The following FSTL1 variants were observed in gnomAD, a reference collection of about 807,000 sequenced individuals.
FSTL1 encodes follistatin like 1, also known as follistatin-related protein 1.
In FSTL1, 24 loss-of-function variants were observed where a neutral mutation model predicts 45.9. The ratio of observed to expected loss-of-function variants is 0.52; its 90% confidence interval spans 0.38 to 0.74. The LOEUF (loss-of-function observed/expected upper bound fraction) is 0.74. Ranked by LOEUF, FSTL1 falls within the 30% of genes least tolerant of loss-of-function variation. The pLI is 0.00. For synonymous variants in FSTL1, 120 were observed against 137.6 expected (o/e 0.87, Z 0.89); for missense variants, 340 against 381.8 (o/e 0.89, Z 0.91).
At chr3:120,450,295 A>T (rs1937855993) in intron 2 of FSTL1, among the ~76,000 whole-genome samples, 1 of 152,120 alleles carries the variant, frequency 6.6e-6, no homozygotes, top group Non-Finnish European at 1.5e-5. Context: ...CCCCGCCCCC[A>T]GGAGACAGAC....
At chr3:120,415,140 A>T (rs910799177) in intron 3 of FSTL1, among the ~76,000 whole-genome samples, 6 of 142,866 alleles carry the variant, frequency 4.2e-5, no homozygotes, top group African/African-American at 7.8e-5. Context: ...AAAAAACATT[A>T]AAAAAAAAAA....
chr3:120,440,715 T>C (rs1230350265), intron 2 of FSTL1, among the ~76,000 whole-genome samples: 1 of 152,250 alleles, frequency 6.6e-6, no homozygotes, highest in African/African-American at 2.4e-5. Context: ...CCCAGATGAG[T>C]GATGCAAAAT....
In FSTL1 at chr3:120,399,930, T is replaced by C. The variant is rs1157497099; in HGVS notation, c.835A>G (p.Thr279Ala). The change falls in exon 10 of 11, where the codon ACA (threonine) becomes GCA (alanine). Residue 279 changes from threonine (T) to alanine (A), a missense_variant. Coordinates refer to ENST00000295633, the MANE Select transcript of FSTL1 (RefSeq NM_007085.5). ...ACATATCTGGTCATCTCCTCCTCTG[T>C]CTGGGTCTGGGCCCCCTTCTGATTC... ...GKNQKGAQTQ[T>A]EEEMTRYVQE... 6.2e-7 allele frequency: 1 copy of C among 1,609,446 alleles called. No homozygotes were observed. The highest frequency in any genetic ancestry group is 1.3e-5 in the African/African-American group (1 of 74,990).
rs1318955944 is a variant in FSTL1, at chr3:120,403,870, G to A, written c.582-516C>T. 8.6e-5 allele frequency among the ~76,000 whole-genome samples: 11 copies of A among 127,708 alleles called. 1 individual carries two copies. The highest frequency in any genetic ancestry group is 2.8e-4 in the Admixed American group (3 of 10,560). The allele number at this position is 127,708 out of a possible 152,430, so 83.8% of individuals were successfully genotyped here. ...CAGCTCCATCAGCTTGCAGTGAGCC[G>A]AGATCCCGCCACTGCACTCCAGCCT... On this transcript the variant is annotated intron_variant, in intron 7 of 10. Coordinates refer to ENST00000295633, the MANE Select transcript of FSTL1 (RefSeq NM_007085.5).
At chr3:120,445,894 G>A (rs1937728477) in intron 2 of FSTL1, among the ~76,000 whole-genome samples, 1 of 149,970 alleles carries the variant, frequency 6.7e-6, no homozygotes, top group South Asian at 2.1e-4. Context: ...GACAGTGAAG[G>A]GAAGGCCACG....
chr3:120,415,983 A>G lies in FSTL1; in HGVS notation c.108T>C (p.Cys36=). 1 of 1,614,072 alleles carries G rather than the reference A, an allele frequency of 6.2e-7. No individual in the cohort carries two copies. The highest frequency in any genetic ancestry group is 8.5e-7 in the Non-Finnish European group (1 of 1,179,912). The part of the protein sequence containing the change: ...SKSKICANVF[C]GAGRECAVTE... ...TGACTGCACATTCCCGGCCGGCTCC[A>G]CAAAACACATTGGCACAGATCTTGG... The change falls in exon 3 of 11, where the codon TGT becomes TGC. Residue 36 remains cysteine, a synonymous_variant. Coordinates refer to ENST00000295633, the MANE Select transcript of FSTL1 (RefSeq NM_007085.5).
Position 120,402,825 on chromosome 3 carries a change from G to A in FSTL1, c.788C>T (p.Thr263Ile). Reference protein sequence around the residue: ...CVCACGNWVCTAMTCDGKNQK... With the variant: ...CVCACGNWVCIAMTCDGKNQK... ...CAGCTCACCGTCACAGGTCATGGCT[G>A]TACAGACCCAATTTCCACAGGCACA... The change falls in exon 9 of 11, where the codon ACA (threonine) becomes ATA (isoleucine). Residue 263 changes from threonine (T) to isoleucine (I), a missense_variant. Thr to Ile is a moderately conservative substitution (Grantham distance 89). Transcript: ENST00000295633. The A allele has an allele frequency of 1.2e-6, 2 of 1,602,608 alleles. No individual in the cohort carries two copies. Among genetic ancestry groups the A allele is most frequent in the Non-Finnish European group, 1.7e-6 (2 of 1,169,584 alleles).
rs1936654270 is a variant in FSTL1, at chr3:120,394,387, C to T, written c.*2565G>A. The T allele has an allele frequency of 6.6e-6, 1 of 152,200 alleles. No individual in the cohort carries two copies. The highest frequency in any genetic ancestry group is 2.4e-5 in the African/African-American group (1 of 41,440). The allele number at this position is 152,200 out of a possible 1,614,324, so 9.4% of individuals were successfully genotyped here. ...CCTACTAAATACAAATACAAGTTCACAAACACATATGCAACAGAAACTTGT... is the reference window on the plus strand; with the variant it reads ...CCTACTAAATACAAATACAAGTTCATAAACACATATGCAACAGAAACTTGT... On this transcript the variant is annotated 3_prime_UTR_variant, in exon 11 of 11. Coordinates refer to ENST00000295633, the MANE Select transcript of FSTL1 (RefSeq NM_007085.5).
At chr3:120,438,769 A>T (rs1937597380) in intron 2 of FSTL1, among the ~76,000 whole-genome samples, 1 of 152,102 alleles carries the variant, frequency 6.6e-6, no homozygotes, top group Non-Finnish European at 1.5e-5. Flanking sequence ...GTCCTGAGTT[A>T]TTCATCCCAG....
chr3:120,408,145 T>C (rs1457634710), intron 6 of FSTL1, among the ~76,000 whole-genome samples: 1 of 152,242 alleles, frequency 6.6e-6, no homozygotes, highest in Non-Finnish European at 1.5e-5. Context: ...CCTTTACCAT[T>C]CGCTCAGCTT....
At chr3:120,436,368 C>T (rs1383114108) in intron 2 of FSTL1, among the ~76,000 whole-genome samples, 1 of 152,200 alleles carries the variant, frequency 6.6e-6, no homozygotes, top group Non-Finnish European at 1.5e-5. Flanking sequence ...CAGTCCCATT[C>T]TCCCTTCTAG....
rs187689888 is a variant in FSTL1, at chr3:120,395,846, T to C, written c.*1106A>G. ...GACAGGGCCAACTCACCCTCCTAGT[T>C]AGTCGAATGAGCATATTGGTAGGCT... On this transcript the variant is annotated 3_prime_UTR_variant, in exon 11 of 11. Transcript: ENST00000295633. The C allele has an allele frequency of 1.7e-5, 7 of 411,744 alleles. No individual in the cohort carries two copies. The highest frequency in any genetic ancestry group is 1.6e-4 in the Admixed American group (5 of 30,562). 25.5% of individuals were successfully genotyped at this position (411,744 alleles called of 1,614,324 possible).
rs755595073 is a variant in FSTL1, at chr3:120,450,731, G to A, written c.16C>T (p.Leu6Phe). The change falls in exon 2 of 11, where the codon CTC (leucine) becomes TTC (phenylalanine). Residue 6 changes from leucine to phenylalanine, a missense_variant. Leu to Phe is a conservative substitution (Grantham distance 22). Transcript: ENST00000295633. MWKRW[L>F]ALALALVAVA... ...GCCACCAGCGCGAGCGCGAGCGCGA[G>A]CCAGCGTTTCCACATCTGCGGAAGA... 5.1e-6 allele frequency: 8 copies of A among 1,579,520 alleles called. No homozygotes were observed. The South Asian group carries it at 9.1e-5, about 18-fold the overall frequency.
chr3:120,412,152 C>T (rs776988994), intron 3 of FSTL1, among the ~76,000 whole-genome samples, 169 bp from the exon 4 acceptor site: 10 of 152,214 alleles, frequency 6.6e-5, no homozygotes, highest in Non-Finnish European at 1.5e-4. Context: ...CAGTTCTGGC[C>T]AACTGACCCT....
chr3:120,393,995 A>G lies in FSTL1; in HGVS notation c.*2957T>C, dbSNP rs575133034. 6.6e-5 allele frequency: 10 copies of G among 152,320 alleles called. No individual in the cohort carries two copies. Among genetic ancestry groups the G allele is most frequent in the African/African-American group, 2.2e-4 (9 of 41,576 alleles). The allele number at this position is 152,320 out of a possible 1,614,324, so 9.4% of individuals were successfully genotyped here. On this transcript the variant is annotated 3_prime_UTR_variant, in exon 11 of 11. Transcript: ENST00000295633. The stretch of plus-strand genomic sequence containing the variant: ...TGTGAGCAATACATTTCTGTTGCCT[A>G]TAATTACCCAGTCTGAGGCATTTTG...
intron 10 of FSTL1, 138 bp from the exon 11 acceptor site, chr3:120,397,134 C>A (rs182219931): frequency 8.1e-6 from 6 of 742,886 alleles, no homozygotes; most frequent in Non-Finnish European, 1.4e-5. Flanking sequence ...GGCTCCTCCA[C>A]GGACAATGAA....
intron 7 of FSTL1, 82 bp downstream of exon 7, chr3:120,404,771 T>C: frequency 1.3e-6 from 1 of 777,126 alleles, no homozygotes; most frequent in Non-Finnish European, 2.3e-6. Flanking sequence ...GTGGCTCTTT[T>C]GCAGGTGGGA....
At chr3:120,414,455 C>A (rs1470092590) in intron 3 of FSTL1, among the ~76,000 whole-genome samples, 4 of 152,016 alleles carry the variant, frequency 2.6e-5, no homozygotes, top group Non-Finnish European at 4.4e-5. Flanking sequence ...AAGTGAGGAG[C>A]CCCTCTGCCC....
At position 120,395,595 on chromosome 3, in the gene FSTL1, G is replaced by T; in HGVS notation, c.*1357C>A. On this transcript the variant is annotated 3_prime_UTR_variant, in exon 11 of 11. Transcript: ENST00000295633. ...TCCATATCATAGCACGACCTGTAGG[G>T]TCATCAGGCTGAGATCAAATCTGGT... 3.9e-6 allele frequency: 2 copies of T among 510,614 alleles called. No individual in the cohort carries two copies. Among genetic ancestry groups the T allele is most frequent in the Non-Finnish European group, 8.1e-6 (2 of 246,594 alleles). 31.6% of individuals were successfully genotyped at this position (510,614 alleles called of 1,614,324 possible). A position where few individuals can be genotyped will look rare whatever the true frequency, so the allele number is the denominator to read the frequency against.
Sources: allele counts gnomAD v4.1 joint callset (sites outside exome capture counted in the v4.1 genomes callset), GRCh38; gene constraint gnomAD v4.1.1; transcripts MANE v1.5; gene names NCBI Gene and HGNC (gene_info 2026-07-23, HGNC 2026-07-21).